SPOCK1: variants seen among roughly 807,000 people sequenced by gnomAD.
SPOCK1 encodes the protein testican-1.
In SPOCK1, 23 loss-of-function variants were observed where a neutral mutation model predicts 55.3. The observed-to-expected ratio is 0.42, with a 90% CI of 0.30 to 0.59. SPOCK1 has a LOEUF of 0.59. Among genes scored for constraint, SPOCK1 ranks in the 20% least tolerant of loss-of-function variants. The probability of loss-of-function intolerance (pLI) is 0.22; values close to 1 mark genes in which losing one functional copy is unlikely to be tolerated. For missense variants in SPOCK1, 499 were observed against 552.5 expected (o/e 0.90, Z 0.97); for synonymous variants, 226 against 221.0 (o/e 1.02, Z -0.20).
At chr5:137,419,099 T>A (rs1338010695) in intron 2 of SPOCK1, among the ~76,000 whole-genome samples, 2 of 152,220 alleles carry the variant, frequency 1.3e-5, no homozygotes, top group Admixed American at 1.3e-4. Context: ...TTGTCAAAGA[T>A]CAGATGGTTG....
At chr5:137,241,654 C>T (rs1203316674) in intron 3 of SPOCK1, among the ~76,000 whole-genome samples, 2 of 149,934 alleles carry the variant, frequency 1.3e-5, no homozygotes, top group East Asian at 3.9e-4. Flanking sequence ...ATCTCTTGCT[C>T]TCTGTCACCC....
chr5:137,205,096 T>G (rs976252625), intron 3 of SPOCK1, among the ~76,000 whole-genome samples: 9 of 152,212 alleles, frequency 5.9e-5, no homozygotes, highest in African/African-American at 2.2e-4. Flanking sequence ...TTGATGCTCC[T>G]TTTGCTTGTT....
chr5:137,139,201 C>G (rs1316952153), intron 4 of SPOCK1, among the ~76,000 whole-genome samples: 1 of 152,150 alleles, frequency 6.6e-6, no homozygotes, highest in Non-Finnish European at 1.5e-5. Flanking sequence ...GAGACAAAGT[C>G]TGATTATTTT....
At chr5:137,118,510 C>T (rs1192518710) in intron 4 of SPOCK1, among the ~76,000 whole-genome samples, 3 of 152,186 alleles carry the variant, frequency 2.0e-5, no homozygotes, top group Admixed American at 6.5e-5. Flanking sequence ...ACAGGGGACA[C>T]CAAGGGAGTC....
intron 2 of SPOCK1, among the ~76,000 whole-genome samples, chr5:137,330,464 T>C (rs1345216279): frequency 6.6e-6 from 1 of 152,240 alleles, no homozygotes; most frequent in Non-Finnish European, 1.5e-5. Flanking sequence ...GACACGAACC[T>C]GCTCCAAACC....
chr5:137,472,807 G>GA (rs1753762246), intron 2 of SPOCK1, among the ~76,000 whole-genome samples: 1 of 152,114 alleles, frequency 6.6e-6, no homozygotes, highest in South Asian at 2.1e-4. Flanking sequence ...GAACCCAATA[G>GA]AAAAATGGGC....
At chr5:137,475,128 T>C (rs371520141) in intron 2 of SPOCK1, among the ~76,000 whole-genome samples, 46 of 152,142 alleles carry the variant, frequency 3.0e-4, no homozygotes, top group African/African-American at 1.0e-3. Context: ...TCTTATGTGA[T>C]ACAGTGGGAA....
At chr5:137,348,379 C>T (rs1396420206) in intron 2 of SPOCK1, among the ~76,000 whole-genome samples, 1 of 148,608 alleles carries the variant, frequency 6.7e-6, no homozygotes, top group Non-Finnish European at 1.5e-5. Context: ...ATCCATACAG[C>T]AAGTGCATGA....
chr5:137,240,785 G>T (rs777932689), intron 3 of SPOCK1, among the ~76,000 whole-genome samples: 2 of 152,156 alleles, frequency 1.3e-5, no homozygotes, highest in Non-Finnish European at 2.9e-5. Flanking sequence ...AAAGTCATGA[G>T]GAAGGACAAG....
At chr5:137,152,230 A>G (rs1055210492) in intron 3 of SPOCK1, among the ~76,000 whole-genome samples, 14 of 152,186 alleles carry the variant, frequency 9.2e-5, no homozygotes, top group African/African-American at 3.4e-4. Context: ...GTTCTGTGCT[A>G]TTCAGTCATG....
At chr5:137,494,494 T>C (rs1467626826) in intron 2 of SPOCK1, among the ~76,000 whole-genome samples, 3 of 152,002 alleles carry the variant, frequency 2.0e-5, no homozygotes, top group Admixed American at 2.0e-4. Flanking sequence ...TCTCATAGGA[T>C]TGTTATGAAT....
chr5:137,418,872 G>T lies in SPOCK1; in HGVS notation c.186+79501C>A, dbSNP rs558409555. The stretch of plus-strand genomic sequence containing the variant: ...TTTGGTGTTTTAGACATGAAGTCCT[G>T]CCCATGCCTATGTCCTGAATGGTAT... On this transcript the variant is annotated intron_variant, in intron 2 of 10. Transcript: ENST00000394945. 2.6e-4 allele frequency among the ~76,000 whole-genome samples: 40 copies of T among 152,110 alleles called. 1 individual carries two copies. Among genetic ancestry groups the T allele is most frequent in the Non-Finnish European group, 5.4e-4 (37 of 68,018 alleles).
chr5:137,134,037 C>T (rs1246492664), intron 4 of SPOCK1, among the ~76,000 whole-genome samples: 1 of 152,128 alleles, frequency 6.6e-6, no homozygotes, highest in Non-Finnish European at 1.5e-5. Context: ...CATGACTCCA[C>T]AGCAGAGGAG....
At chr5:136,995,725 A>T (rs1751028138) in intron 6 of SPOCK1, among the ~76,000 whole-genome samples, 1 of 152,270 alleles carries the variant, frequency 6.6e-6, no homozygotes, top group East Asian at 1.9e-4. Flanking sequence ...TGTGCAGGTA[A>T]TCTGTATCTT....
intron 2 of SPOCK1, among the ~76,000 whole-genome samples, chr5:137,321,158 A>G (rs777947320): frequency 7.2e-5 from 11 of 151,894 alleles, no homozygotes; most frequent in Non-Finnish European, 1.2e-4. Flanking sequence ...ACTCAGAGAC[A>G]GGTCATTGGA....
chr5:137,432,204 CA>C (rs1298706391), intron 2 of SPOCK1, among the ~76,000 whole-genome samples: 1 of 152,098 alleles, frequency 6.6e-6, no homozygotes, highest in African/African-American at 2.4e-5. Flanking sequence ...TGAGGTTCCT[CA>C]AAAAGATAAA....
chr5:137,127,278 G>A (rs1031417382), intron 4 of SPOCK1, among the ~76,000 whole-genome samples: 6 of 152,230 alleles, frequency 3.9e-5, no homozygotes, highest in Non-Finnish European at 2.9e-5. Flanking sequence ...AGTACTATGA[G>A]GCCACCACAG....
intron 3 of SPOCK1, among the ~76,000 whole-genome samples, chr5:137,201,719 T>C (rs991483318): frequency 3.3e-5 from 5 of 152,112 alleles, no homozygotes; most frequent in Admixed American, 1.3e-4. Context: ...GCAAAGATAA[T>C]GCTGCACCAC....
intron 2 of SPOCK1, among the ~76,000 whole-genome samples, chr5:137,482,523 A>G (rs1327430424): frequency 1.3e-5 from 2 of 152,202 alleles, no homozygotes; most frequent in Admixed American, 6.5e-5. Flanking sequence ...GCCACAATAC[A>G]GGAGCCAAGG....
Sources: gnomAD v4.1 joint callset for allele counts (sites outside exome capture counted in the v4.1 genomes callset) on GRCh38, gnomAD v4.1.1 for gene constraint, MANE v1.5 for transcripts, NCBI Gene and HGNC (gene_info 2026-07-23, HGNC 2026-07-21) for gene names.